Variants in GLIS3 observed in about 807,000 individuals in gnomAD.
GLIS3 encodes the protein GLIS family zinc finger 3.
GLIS3 carries 53 observed loss-of-function variants against 78.6 expected under a neutral mutation model. That is an observed-to-expected ratio of 0.67 (90% confidence interval 0.54 to 0.85). GLIS3 has a LOEUF of 0.85. Ranked by LOEUF, GLIS3 falls within the 40% of genes least tolerant of loss-of-function variation. The pLI, the probability that GLIS3 is intolerant of heterozygous loss-of-function variation, is 0.00. For synonymous variants in GLIS3, 684 were observed against 509.9 expected, an observed-to-expected ratio of 1.34 and a Z score of -4.60; for missense variants, 1,703 against 1,231.1, an observed-to-expected ratio of 1.38 and a Z score of -5.74.
chr9:4,018,641 T>C (rs1045637544), intron 4 of GLIS3, among the ~76,000 whole-genome samples: 1 of 151,986 alleles, frequency 6.6e-6, no homozygotes, highest in Non-Finnish European at 1.5e-5. Context: ...AAAGGAGCAA[T>C]GGTTCTCAAC....
At position 4,286,139 on chromosome 9, in the gene GLIS3, G is replaced by A. The variant is rs143425492; in HGVS notation, c.287C>T (p.Pro96Leu). ...TCCAGCCTGGGTGACCTGGAATCGC[G>A]GCTTCCCATTGGTGAGCATTTGTCT... is the stretch of plus-strand genomic sequence containing the variant. The part of the protein sequence containing the change: ...PRRQMLTNGK[P>L]RFQVTQAGGM... The change falls in exon 2 of 11, where the codon CCG (proline) becomes CTG (leucine). Residue 96 changes from proline (P) to leucine (L), a missense_variant. Transcript: ENST00000381971. 244 of 1,613,782 alleles carry A rather than the reference G, an allele frequency of 1.5e-4. 1 individual carries two copies. The highest frequency in any genetic ancestry group is 1.1e-3 in the African/African-American group (80 of 75,040).
chr9:4,214,571 C>T (rs1470651245), intron 2 of GLIS3, among the ~76,000 whole-genome samples: 1 of 152,172 alleles, frequency 6.6e-6, no homozygotes, highest in Non-Finnish European at 1.5e-5. Flanking sequence ...ACAGAAATCA[C>T]ACATAAAATA....
intron 2 of GLIS3, among the ~76,000 whole-genome samples, chr9:4,319,859 A>ACT (rs1236655027): frequency 1.3e-5 from 2 of 152,202 alleles, no homozygotes; most frequent in African/African-American, 4.8e-5. Flanking sequence ...CTTGATCAGT[A>ACT]ATATGAGTAA....
At chr9:4,285,885 C>A in intron 2 of GLIS3, 153 bp downstream of exon 2, 1 of 916,404 alleles carries the variant, frequency 1.1e-6, no homozygotes, top group Non-Finnish European at 1.7e-6. Flanking sequence ...ACACCCATTC[C>A]CTTACTGAGC....
At chr9:3,882,470 C>T (rs569149835) in intron 7 of GLIS3, among the ~76,000 whole-genome samples, 1 of 151,772 alleles carries the variant, frequency 6.6e-6, no homozygotes, top group South Asian at 2.1e-4. Flanking sequence ...TACCATGCTA[C>T]GGCTGGTGCA....
chr9:4,252,168 G>T (rs1371011834), intron 2 of GLIS3, among the ~76,000 whole-genome samples: 1 of 152,144 alleles, frequency 6.6e-6, no homozygotes, highest in South Asian at 2.1e-4. Flanking sequence ...CTAGGTTGGG[G>T]AAGTTCTCCT....
chr9:4,049,903 A>T (rs1246118454), intron 4 of GLIS3, among the ~76,000 whole-genome samples: 1 of 152,082 alleles, frequency 6.6e-6, no homozygotes, highest in Non-Finnish European at 1.5e-5. Flanking sequence ...ATGAGATACC[A>T]TCTCACACCA....
At chr9:4,350,817 T>C (rs972234222), upstream of GLIS3, among the ~76,000 whole-genome samples, 12 of 152,168 alleles carry the variant, frequency 7.9e-5, no homozygotes, top group African/African-American at 2.9e-4. Flanking sequence ...TTGTTTTTGT[T>C]TTTGTTTGTT....
the GLIS3 span, among the ~76,000 whole-genome samples, chr9:4,376,443 C>G: frequency 2.6e-5 from 2 of 77,650 alleles, no homozygotes; most frequent in African/African-American, 7.7e-5. Context: ...AACACAAGAG[C>G]AACAGAAGAA....
chr9:3,844,862 C>T (rs1818937813), intron 9 of GLIS3, among the ~76,000 whole-genome samples: 1 of 152,130 alleles, frequency 6.6e-6, no homozygotes, highest in Non-Finnish European at 1.5e-5. Flanking sequence ...AGCAAGTCAC[C>T]AATCTTTGCT....
intron 6 of GLIS3, among the ~76,000 whole-genome samples, chr9:3,913,504 T>C (rs1486902821): frequency 6.6e-6 from 1 of 152,208 alleles, no homozygotes; most frequent in African/African-American, 2.4e-5. Flanking sequence ...GACATTCCTG[T>C]AATCTTTGTT....
At chr9:4,203,710 C>T (rs1819607562) in intron 2 of GLIS3, among the ~76,000 whole-genome samples, 1 of 152,016 alleles carries the variant, frequency 6.6e-6, no homozygotes, top group Admixed American at 6.6e-5. Flanking sequence ...AACCTAGGTG[C>T]CCCCGTCAGT....
chr9:4,159,567 A>G (rs1046383411), intron 2 of GLIS3, among the ~76,000 whole-genome samples: 2 of 152,152 alleles, frequency 1.3e-5, no homozygotes, highest in African/African-American at 4.8e-5. Flanking sequence ...AAAAATACAA[A>G]AATTAACTGG....
chr9:4,333,411 GT>G (rs1186446209), intron 2 of GLIS3, among the ~76,000 whole-genome samples: 1 of 151,966 alleles, frequency 6.6e-6, no homozygotes, highest in Non-Finnish European at 1.5e-5. Context: ...AAGAAACTAA[GT>G]CTTTTTTAAA....
the GLIS3 span, among the ~76,000 whole-genome samples, chr9:4,427,445 G>C: frequency 6.6e-6 from 1 of 152,144 alleles, no homozygotes; most frequent in Non-Finnish European, 1.5e-5. Context: ...CAAACTTCAA[G>C]TTCAGCACCC....
At chr9:4,250,924 G>C (rs948745319) in intron 2 of GLIS3, among the ~76,000 whole-genome samples, 1 of 152,072 alleles carries the variant, frequency 6.6e-6, no homozygotes. Context: ...GTGCGGTTTT[G>C]AGTGAGTTTC....
the GLIS3 span, among the ~76,000 whole-genome samples, chr9:4,432,958 T>C: frequency 1.3e-5 from 2 of 152,162 alleles, no homozygotes; most frequent in Non-Finnish European, 2.9e-5. Context: ...ACACAGACTA[T>C]GTTTTCTAAC....
intron 2 of GLIS3, among the ~76,000 whole-genome samples, chr9:4,329,801 C>T (rs1817657695): frequency 6.6e-6 from 1 of 152,124 alleles, no homozygotes; most frequent in South Asian, 2.1e-4. Context: ...TTAATACTGT[C>T]ATTTCTTCAA....
the GLIS3 span, among the ~76,000 whole-genome samples, chr9:4,363,920 G>A: frequency 6.6e-6 from 1 of 152,200 alleles, no homozygotes; most frequent in Non-Finnish European, 1.5e-5. Flanking sequence ...TTCCAGTTAT[G>A]AGGAAGCAGG....
Sources: allele counts gnomAD v4.1 joint callset (sites outside exome capture counted in the v4.1 genomes callset), GRCh38; gene constraint gnomAD v4.1.1; transcripts MANE v1.5; gene names NCBI Gene and HGNC (gene_info 2026-07-23, HGNC 2026-07-21).